The following RUNX2 variants were observed in gnomAD, a reference collection of about 807,000 sequenced individuals.
RUNX2 encodes RUNX family transcription factor 2.
A neutral mutation model predicts 51.7 loss-of-function variants in RUNX2; 10 were observed. That is an observed-to-expected ratio of 0.19 (90% CI 0.12 to 0.33). RUNX2 has a LOEUF of 0.33. Ranked by LOEUF, RUNX2 falls within the 10% of genes least tolerant of loss-of-function variation. The probability of loss-of-function intolerance (pLI) is 1.00; values close to 1 mark genes in which losing one functional copy is unlikely to be tolerated. For missense variants in RUNX2, 562 were observed against 691.3 expected (o/e 0.81, Z 2.10); for synonymous variants, 276 against 273.6 (o/e 1.01, Z -0.09).
chr6:45,536,065 C>T (rs545029703), intron 7 of RUNX2, among the ~76,000 whole-genome samples: 8 of 151,822 alleles, frequency 5.3e-5, no homozygotes, highest in South Asian at 4.2e-4. Context: ...ACAAGGAAAT[C>T]CCGAGGAACC....
At chr6:45,529,676 A>G (rs1260937554) in intron 7 of RUNX2, among the ~76,000 whole-genome samples, 1 of 152,142 alleles carries the variant, frequency 6.6e-6, no homozygotes, top group Non-Finnish European at 1.5e-5. Context: ...AAAAAATGTA[A>G]TGTGAATTTT....
chr6:45,376,873 ATATACT>A (rs1244674733), intron 2 of RUNX2, among the ~76,000 whole-genome samples: 2 of 152,206 alleles, frequency 1.3e-5, no homozygotes, highest in South Asian at 2.1e-4. Context: ...ATACACATAC[ATATACT>A]TATATACACA....
At chr6:45,506,392 G>A (rs919266808) in intron 6 of RUNX2, among the ~76,000 whole-genome samples, 1 of 152,172 alleles carries the variant, frequency 6.6e-6, no homozygotes, top group Non-Finnish European at 1.5e-5. Flanking sequence ...TGGCAGGAGA[G>A]AAGTTGGTGG....
Position 45,541,973 on chromosome 6 carries a change from G to A in RUNX2, c.1022-3244G>A, listed in dbSNP as rs577942426. Among the ~76,000 whole-genome samples, 4 of 152,176 alleles carry A rather than the reference G, an allele frequency of 2.6e-5. No individual in the cohort carries two copies. In the East Asian group the frequency reaches 5.8e-4, roughly 22 times the overall value. On this transcript the variant is annotated intron_variant, in intron 7 of 8. Coordinates refer to ENST00000647337, the MANE Select transcript of RUNX2 (RefSeq NM_001024630.4). ...AAAGGCCTTCAAATGTCAAACAGGT[G>A]TGACTGTTATGAAGTTCTGAAGGGG...
At chr6:45,340,639 A>T (rs993628746) in intron 2 of RUNX2, among the ~76,000 whole-genome samples, 1 of 151,978 alleles carries the variant, frequency 6.6e-6, no homozygotes, top group Non-Finnish European at 1.5e-5. Flanking sequence ...GTCGAGTTTG[A>T]TCAGAAAAAA....
At position 45,431,991 on chromosome 6, in the gene RUNX2, T is replaced by C. The variant is rs1582105388; in HGVS notation, c.552T>C (p.Asp184=). ...VMKNQVARFN[D]LRFVGRSGRG... ...AAAACCAAGTAGCAAGGTTCAACGA[T>C]CTGAGATTTGTGGGCCGGAGTGGAC... Residue 184 remains aspartate, a synonymous_variant, in exon 4 of 9, where the codon GAT becomes GAC. Transcript: ENST00000647337. 2 of 1,614,120 alleles carry C rather than the reference T, an allele frequency of 1.2e-6. No homozygotes were observed. The highest frequency in any genetic ancestry group is 4.5e-5 in the East Asian group (2 of 44,880).
Position 45,437,804 on chromosome 6 carries a change from TAGA to T in RUNX2, c.581-137_581-135del, listed in dbSNP as rs1187309486. ...AGTGGTCATCGGAGGGTTTCCAATTTAGAAGAAGGAGTCCTGCCTCTTGTCTTT... is the reference window on the plus strand; with the variant it reads ...AGTGGTCATCGGAGGGTTTCCAATTTAGAAGGAGTCCTGCCTCTTGTCTTT... On this transcript the variant is annotated intron_variant, in intron 4 of 8. Coordinates refer to ENST00000647337, the MANE Select transcript of RUNX2 (RefSeq NM_001024630.4). 17 of 709,380 alleles carry T rather than the reference TAGA, an allele frequency of 2.4e-5. No individual in the cohort carries two copies. In the Admixed American group the frequency reaches 2.9e-4, roughly 12 times the overall value. 43.9% of individuals were successfully genotyped at this position (709,380 alleles called of 1,614,324 possible).
At chr6:45,458,399 T>C (rs1799380648) in intron 5 of RUNX2, among the ~76,000 whole-genome samples, 2 of 152,182 alleles carry the variant, frequency 1.3e-5, no homozygotes, top group Admixed American at 1.3e-4. Flanking sequence ...GCATCTTACA[T>C]TCTTGATGAA....
chr6:45,361,588 A>G (rs1486373586), intron 2 of RUNX2: 2 of 152,208 alleles, frequency 1.3e-5, no homozygotes, highest in East Asian at 3.8e-4. Context: ...CTTGAGTTCA[A>G]TAACCTAAAA....
intron 5 of RUNX2, among the ~76,000 whole-genome samples, chr6:45,484,561 T>C (rs6925038): frequency 0.021 from 3,164 of 152,298 alleles, 111 homozygotes; most frequent in African/African-American, 0.071. Context: ...GTTTTTAAAT[T>C]TAGAGCCTCA....
At chr6:45,358,663 G>A (rs1432262173) in intron 2 of RUNX2, among the ~76,000 whole-genome samples, 3 of 152,140 alleles carry the variant, frequency 2.0e-5, no homozygotes, top group East Asian at 3.8e-4. Flanking sequence ...CTAACCCTGT[G>A]AGGTAGATAC....
rs1455155853 is a variant in RUNX2, at chr6:45,371,744, A to G, written c.58+42960A>G. On this transcript the variant is annotated intron_variant, in intron 2 of 8. Transcript: ENST00000647337. ...CACTCAGTTAAGAAATTCTTTGTTT[A>G]AAAGAAAATCTTAGGTAGATGGATA... 1.4e-5 allele frequency: 10 copies of G among 714,880 alleles called. No homozygotes were observed. In the South Asian group the frequency reaches 3.2e-4, roughly 23 times the overall value. 44.3% of individuals were successfully genotyped at this position (714,880 alleles called of 1,614,324 possible). A position where few individuals can be genotyped will look rare whatever the true frequency, so the allele number is the denominator to read the frequency against.
intron 5 of RUNX2, among the ~76,000 whole-genome samples, chr6:45,461,231 T>A (rs1799468328): frequency 6.6e-6 from 1 of 152,150 alleles, no homozygotes; most frequent in African/African-American, 2.4e-5. Context: ...GGCAGTAGGG[T>A]GGCCTCATGA....
rs143852243 is a variant in RUNX2, at chr6:45,381,549, T to G, written c.59-41044T>G. Among the ~76,000 whole-genome samples the G allele has an allele frequency of 2.6e-3, 395 of 152,178 alleles. 3 individuals carry two copies. The highest frequency in any genetic ancestry group is 8.7e-3 in the African/African-American group (361 of 41,514). On this transcript the variant is annotated intron_variant, in intron 2 of 8. Transcript: ENST00000647337. ...CTCAAGCAATCCTTCCACCTCAGCC[T>G]CCTCAGTAGCTGGGACTACAGGCAT...
intron 5 of RUNX2, among the ~76,000 whole-genome samples, chr6:45,483,919 C>T (rs888431271): frequency 7.9e-5 from 12 of 152,196 alleles, no homozygotes; most frequent in African/African-American, 2.9e-4. Flanking sequence ...AGAGTGACAA[C>T]GCATATTGCG....
intron 2 of RUNX2, among the ~76,000 whole-genome samples, chr6:45,362,446 T>G (rs534557628): frequency 6.6e-6 from 1 of 152,242 alleles, no homozygotes; most frequent in South Asian, 2.1e-4. Context: ...AAAATAAACA[T>G]AGCAGAATAA....
intron 2 of RUNX2, among the ~76,000 whole-genome samples, chr6:45,401,719 T>C (rs1238361347): frequency 6.6e-6 from 1 of 152,258 alleles, no homozygotes; most frequent in Admixed American, 6.5e-5. Flanking sequence ...GGCCCCTGCC[T>C]TTCTGGCTAA....
At chr6:45,535,137 T>C (rs1801990929) in intron 7 of RUNX2, among the ~76,000 whole-genome samples, 1 of 152,000 alleles carries the variant, frequency 6.6e-6, no homozygotes, top group African/African-American at 2.4e-5. Flanking sequence ...AAATAACTAA[T>C]GGGTGCTAGG....
At chr6:45,535,337 G>A (rs2150442841) in intron 7 of RUNX2, among the ~76,000 whole-genome samples, 1 of 152,306 alleles carries the variant, frequency 6.6e-6, no homozygotes, top group Admixed American at 6.5e-5. Context: ...GGGGGCAGTG[G>A]CTCATGCCTG....
Sources: allele counts gnomAD v4.1 joint callset (sites outside exome capture counted in the v4.1 genomes callset), GRCh38; gene constraint gnomAD v4.1.1; transcripts MANE v1.5; gene names NCBI Gene and HGNC (gene_info 2026-07-23, HGNC 2026-07-21).